NEXN: variants seen among roughly 807,000 people sequenced by gnomAD.
NEXN encodes the protein nexilin F-actin binding protein, also known as nexilin.
In NEXN, 65 loss-of-function variants were observed where a neutral mutation model predicts 92.6. That is an observed-to-expected ratio of 0.70 (90% CI 0.57 to 0.86). NEXN has a LOEUF of 0.86. Among genes scored for constraint, NEXN ranks in the 40% least tolerant of loss-of-function variants. The pLI, the probability that NEXN is intolerant of heterozygous loss-of-function variation, is 0.00. For missense variants in NEXN, 778 were observed against 771.1 expected (o/e 1.01, Z -0.11); for synonymous variants, 254 against 242.5 (o/e 1.05, Z -0.44).
intron 1 of NEXN, among the ~76,000 whole-genome samples, chr1:77,906,663 T>C (rs889786682): frequency 6.6e-6 from 1 of 152,148 alleles, no homozygotes; most frequent in Non-Finnish European, 1.5e-5. Context: ...GTTTGTTTGG[T>C]TTCTGTTTTG....
At chr1:77,937,700 A>C (rs1571161428) in intron 11 of NEXN, among the ~76,000 whole-genome samples, 2 of 152,270 alleles carry the variant, frequency 1.3e-5, no homozygotes, top group African/African-American at 2.4e-5. Flanking sequence ...AAAAAATAAA[A>C]AATAAAAAAT....
intron 9 of NEXN, chr1:77,932,100 G>T (rs1229827661): frequency 6.6e-6 from 1 of 152,112 alleles, no homozygotes. Flanking sequence ...GCTAATTTTT[G>T]TATTTTTAGT....
chr1:77,920,364 A>T lies in NEXN; in HGVS notation c.447+2091A>T, dbSNP rs182995123. On this transcript the variant is annotated intron_variant, in intron 5 of 12. Coordinates refer to ENST00000334785, the MANE Select transcript of NEXN (RefSeq NM_144573.4). ...TTGCTTGTAAAATTTATTTGTATAAATCCATATGCAAGAATGCCATAAAGG... is the reference window on the plus strand; with the variant it reads ...TTGCTTGTAAAATTTATTTGTATAATTCCATATGCAAGAATGCCATAAAGG... Among the ~76,000 whole-genome samples the T allele has an allele frequency of 4.3e-4, 65 of 152,278 alleles. 1 individual carries two copies. The East Asian group carries it at 0.012, about 28-fold the overall frequency.
intron 9 of NEXN, among the ~76,000 whole-genome samples, chr1:77,931,412 CAAAAAAAAAAAAA>C (rs138490881): frequency 3.5e-5 from 2 of 57,590 alleles, no homozygotes; most frequent in South Asian, 1.2e-3. Flanking sequence ...GACTCCGTCT[CAAAAAAAAAAAAA>C]AAAAAAAAAA....
intron 5 of NEXN, among the ~76,000 whole-genome samples, chr1:77,920,962 CTG>C (rs1247734193): frequency 1.3e-5 from 2 of 152,156 alleles, no homozygotes; most frequent in African/African-American, 2.4e-5. Context: ...TATCTGGTCT[CTG>C]TGAATATACT....
At chr1:77,890,803 A>T (rs1265434174) in intron 1 of NEXN, among the ~76,000 whole-genome samples, 15 of 152,202 alleles carry the variant, frequency 9.9e-5, no homozygotes. Context: ...AAGAAAGAAA[A>T]TAATGCAGTG....
chr1:77,893,871 T>C (rs1647161621), intron 1 of NEXN, among the ~76,000 whole-genome samples: 1 of 152,050 alleles, frequency 6.6e-6, no homozygotes, highest in African/African-American at 2.4e-5. Flanking sequence ...TTTGCTCTTT[T>C]GCCCAGGCTG....
At chr1:77,902,689 G>C (rs1020355805) in intron 1 of NEXN, among the ~76,000 whole-genome samples, 1 of 152,108 alleles carries the variant, frequency 6.6e-6, no homozygotes, top group Non-Finnish European at 1.5e-5. Flanking sequence ...CAGTTTGTAT[G>C]CCTGAAATTT....
rs1651452363 is a variant in NEXN, at chr1:77,942,499, G to C, written c.1698G>C (p.Met566Ile). 6.2e-7 allele frequency: 1 copy of C among 1,613,890 alleles called. No individual in the cohort carries two copies. ...EEEEEEEGSI[M>I]NGSTAEDEEQ... ...AGGAGGAGGAAGAAGGTAGCATCATGAATGGCTCCACTGCTGAAGATGAAG... is the reference window on the plus strand; with the variant it reads ...AGGAGGAGGAAGAAGGTAGCATCATCAATGGCTCCACTGCTGAAGATGAAG... The change falls in exon 13 of 13, where the codon ATG becomes ATC. Residue 566 changes from methionine to isoleucine, a missense_variant. Met to Ile is a conservative substitution (Grantham distance 10, BLOSUM62 1). Coordinates refer to ENST00000334785, the MANE Select transcript of NEXN (RefSeq NM_144573.4).
chr1:77,929,965 C>T (rs998487192), intron 9 of NEXN, among the ~76,000 whole-genome samples: 23 of 152,080 alleles, frequency 1.5e-4, no homozygotes, highest in Admixed American at 6.6e-4. Context: ...GTCATTTAAT[C>T]AGAATTATTT....
intron 1 of NEXN, among the ~76,000 whole-genome samples, chr1:77,895,105 C>T (rs1647200750): frequency 7.9e-6 from 1 of 126,920 alleles, no homozygotes; most frequent in Non-Finnish European, 1.6e-5. Flanking sequence ...AGTGCAGTGG[C>T]ACAATCTCAG....
Position 77,888,652 on chromosome 1 carries a change from G to C in NEXN, c.-160G>C, listed in dbSNP as rs1160992217. 1 of 166,626 alleles carries C rather than the reference G, an allele frequency of 6.0e-6. No homozygotes were observed. The highest frequency in any genetic ancestry group is 2.4e-5 in the African/African-American group (1 of 41,590). The allele number at this position is 166,626 out of a possible 1,614,324, so 10.3% of individuals were successfully genotyped here. A position where few individuals can be genotyped will look rare whatever the true frequency, so the allele number is the denominator to read the frequency against. Reference sequence around the variant, plus strand: ...CAGAGGACTCCCAGCGGCTGGAGCAGAAGTGTTAGCGGCCAGAGCTCCCAG... The same window carrying C: ...CAGAGGACTCCCAGCGGCTGGAGCACAAGTGTTAGCGGCCAGAGCTCCCAG... On this transcript the variant is annotated 5_prime_UTR_variant, in exon 1 of 13. Transcript: ENST00000334785.
intron 1 of NEXN, among the ~76,000 whole-genome samples, chr1:77,897,119 A>G (rs1379091230): frequency 6.6e-6 from 1 of 152,236 alleles, no homozygotes; most frequent in African/African-American, 2.4e-5. Context: ...AAACTATTCC[A>G]ATCAATAGGA....
Position 77,926,422 on chromosome 1 carries a change from T to C in NEXN, c.498T>C (p.Asp166=). Residue 166 remains aspartate, a synonymous_variant, in exon 7 of 13, where the codon GAT becomes GAC. Coordinates refer to ENST00000334785, the MANE Select transcript of NEXN (RefSeq NM_144573.4). ...TGTESASEEG[D]DSLLITVVPV... is the part of the protein sequence containing the mutation. Reference sequence around the variant, plus strand: ...TCTATTTTATAAAATAGGAAGGAGATGATTCACTACTTATAACTGTGGTAC... The same window carrying C: ...TCTATTTTATAAAATAGGAAGGAGACGATTCACTACTTATAACTGTGGTAC... 1 of 1,594,818 alleles carries C rather than the reference T, an allele frequency of 6.3e-7. No homozygotes were observed. The highest frequency in any genetic ancestry group is 8.6e-7 in the Non-Finnish European group (1 of 1,166,724).
Position 77,942,629 on chromosome 1 carries a change from A to AAACCAGAAATT in NEXN, c.1830_1840dup (p.Thr614AsnfsTer76). ...TACGGTTAAAGTAACAGGAGAACCCAAACCAGAAATTACATGGTGGTTTGA... is the reference window on the plus strand; with the variant it reads ...TACGGTTAAAGTAACAGGAGAACCCAAACCAGAAATTAACCAGAAATTACATGGTGGTTTGA... On this transcript the variant is annotated frameshift_variant, in exon 13 of 13. Transcript: ENST00000334785. LOFTEE classifies it high-confidence loss of function. 1 of 1,613,786 alleles carries AAACCAGAAATT rather than the reference A, an allele frequency of 6.2e-7. No homozygotes were observed. The highest frequency in any genetic ancestry group is 1.1e-5 in the South Asian group (1 of 91,076).
chr1:77,891,292 C>T (rs749115648), intron 1 of NEXN, among the ~76,000 whole-genome samples: 5 of 152,110 alleles, frequency 3.3e-5, no homozygotes, highest in Non-Finnish European at 2.9e-5. Context: ...TAATCTGACA[C>T]TCTTACTGTT....
At chr1:77,898,849 T>A (rs1333968793) in intron 1 of NEXN, among the ~76,000 whole-genome samples, 3 of 152,066 alleles carry the variant, frequency 2.0e-5, no homozygotes, top group African/African-American at 7.2e-5. Flanking sequence ...TGGGCAAAGG[T>A]TATGAACAGA....
At chr1:77,934,448 G>A (rs1036731885) in intron 10 of NEXN, among the ~76,000 whole-genome samples, 3 of 152,206 alleles carry the variant, frequency 2.0e-5, no homozygotes, top group African/African-American at 7.2e-5. Context: ...CCCAGCCACT[G>A]TCTTGAAATT....
intron 5 of NEXN, among the ~76,000 whole-genome samples, 169 bp downstream of exon 5, chr1:77,918,442 C>T (rs1649161677): frequency 6.6e-6 from 1 of 152,038 alleles, no homozygotes; most frequent in Non-Finnish European, 1.5e-5. Flanking sequence ...CTTTGGGAGG[C>T]CAAGCTGGGT....
Sources: allele counts gnomAD v4.1 joint callset (sites outside exome capture counted in the v4.1 genomes callset), GRCh38; gene constraint gnomAD v4.1.1; transcripts MANE v1.5; gene names NCBI Gene and HGNC (gene_info 2026-07-23, HGNC 2026-07-21).